Variants in KIRREL3 observed in about 807,000 individuals in gnomAD.
KIRREL3 encodes the protein kin of IRRE-like protein 3.
KIRREL3 carries 36 observed loss-of-function variants against 89.7 expected under a neutral mutation model. The observed-to-expected ratio is 0.40, with a 90% CI of 0.31 to 0.53. The LOEUF (loss-of-function observed/expected upper bound fraction) is 0.53. KIRREL3 is among the 20% of genes least tolerant of loss of function. The pLI, the probability that KIRREL3 is intolerant of heterozygous loss-of-function variation, is 0.49. For synonymous variants in KIRREL3, 445 were observed against 441.4 expected, an observed-to-expected ratio of 1.01 and a Z score of -0.10; for missense variants, 864 against 1,056.6, an observed-to-expected ratio of 0.82 and a Z score of 2.53.
rs1950265643 is a variant in KIRREL3 at position 126,999,592 on chromosome 11, T to C, written c.55+863A>G. On this transcript the variant is annotated intron_variant, in intron 1 of 16. Transcript: ENST00000525144. This position sits in a 1 kb window ranked among gnomAD's most constrained non-coding sequence, Gnocchi z 5.7. ...CCAAAAGAGCGGGAAGGAGCCCATGTACTTGCCCCTCCAAACTCAATTCCA... is the reference window on the plus strand; with the variant it reads ...CCAAAAGAGCGGGAAGGAGCCCATGCACTTGCCCCTCCAAACTCAATTCCA... 6.6e-6 allele frequency among the ~76,000 whole-genome samples: 1 copy of C among 152,218 alleles called. No individual in the cohort carries two copies. Among genetic ancestry groups the C allele is most frequent in the Admixed American group, 6.5e-5 (1 of 15,286 alleles).
At chr11:126,861,701 G>A (rs1244476781) in intron 1 of KIRREL3, among the ~76,000 whole-genome samples, 2 of 152,220 alleles carry the variant, frequency 1.3e-5, no homozygotes, top group South Asian at 2.1e-4. Context: ...CTATGCAAAT[G>A]TACGCTGGTA....
intron 1 of KIRREL3, among the ~76,000 whole-genome samples, chr11:126,852,676 A>G (rs1944382383): frequency 6.6e-6 from 1 of 152,238 alleles, no homozygotes; most frequent in Admixed American, 6.5e-5. Flanking sequence ...ATACAAATTT[A>G]AGACATTACG....
At position 126,868,417 on chromosome 11, in the gene KIRREL3, G is replaced by A. The variant is rs550938404; in HGVS notation, c.55+132038C>T. The stretch of plus-strand genomic sequence containing the variant: ...TGTGGCTGGTGGGGCTTTGAGGGAG[G>A]GCCACGTCGCCCTAGGTGGAGAGCA... On this transcript the variant is annotated intron_variant, in intron 1 of 16. Coordinates refer to ENST00000525144, the MANE Select transcript of KIRREL3 (RefSeq NM_032531.4). Among the ~76,000 whole-genome samples, 9 of 152,238 alleles carry A rather than the reference G, an allele frequency of 5.9e-5. No homozygotes were observed. In the East Asian group the frequency reaches 1.7e-3, roughly 29 times the overall value.
rs1186809353 is a variant in KIRREL3, at chr11:126,553,902, A to G, written c.133+8933T>C. On this transcript the variant is annotated intron_variant, in intron 2 of 16. Coordinates refer to ENST00000525144, the MANE Select transcript of KIRREL3 (RefSeq NM_032531.4). This position sits in a 1 kb window ranked among gnomAD's most constrained non-coding sequence, Gnocchi z 4.7. ...TCAGCTCATATGCAGACCTGTATTT[A>G]CCTTGTCTGATCAAAGTAGTAACCT... Among the ~76,000 whole-genome samples the G allele has an allele frequency of 6.6e-6, 1 of 152,174 alleles. No individual in the cohort carries two copies. The highest frequency in any genetic ancestry group is 2.4e-5 in the African/African-American group (1 of 41,438).
intron 1 of KIRREL3, among the ~76,000 whole-genome samples, chr11:126,854,797 A>G (rs140363470): frequency 2.6e-5 from 4 of 152,196 alleles, no homozygotes; most frequent in African/African-American, 9.7e-5. Context: ...AGGAACCTCC[A>G]TATTGTTTTC....
chr11:126,606,337 A>G lies in KIRREL3; in HGVS notation c.56-43425T>C, dbSNP rs140685118. Among the ~76,000 whole-genome samples, 2 of 152,312 alleles carry G rather than the reference A, an allele frequency of 1.3e-5. No individual in the cohort carries two copies. Among genetic ancestry groups the G allele is most frequent in the South Asian group, 2.1e-4 (1 of 4,826 alleles). ...CTAGCTGTGTCACTCTGGAGAATTT[A>G]TGTAGTCTTTCTGTGTTTCAGTTTC... On this transcript the variant is annotated intron_variant, in intron 1 of 16. Transcript: ENST00000525144. The surrounding 1 kb of genome is among the most constrained non-coding windows in gnomAD (Gnocchi z 4.6).
intron 1 of KIRREL3, among the ~76,000 whole-genome samples, chr11:126,801,348 C>T (rs1243503206): frequency 6.6e-6 from 1 of 152,184 alleles, no homozygotes; most frequent in Non-Finnish European, 1.5e-5. Flanking sequence ...TTAAGTCAAA[C>T]ACCATGTGAG....
chr11:126,696,659 A>T lies in KIRREL3; in HGVS notation c.56-133747T>A, dbSNP rs1043531264. 6.6e-6 allele frequency among the ~76,000 whole-genome samples: 1 copy of T among 152,160 alleles called. No homozygotes were observed. Among genetic ancestry groups the T allele is most frequent in the African/African-American group, 2.4e-5 (1 of 41,442 alleles). ...GCCACAGTACCGAAAGGGTGGCTCA[A>T]ACCACATCGCATGGCTCATAAGGCC... On this transcript the variant is annotated intron_variant, in intron 1 of 16. Coordinates refer to ENST00000525144, the MANE Select transcript of KIRREL3 (RefSeq NM_032531.4). This position sits in a 1 kb window ranked among gnomAD's most constrained non-coding sequence, Gnocchi z 4.4.
At position 126,647,301 on chromosome 11, in the gene KIRREL3, A is replaced by G. The variant is rs535189334; in HGVS notation, c.56-84389T>C. Among the ~76,000 whole-genome samples the G allele has an allele frequency of 4.7e-4, 71 of 152,320 alleles. No homozygotes were observed. The highest frequency in any genetic ancestry group is 2.4e-4 in the Non-Finnish European group (16 of 68,028). ...ATCAGAATAAGCTCCCAAGCCTTGCATGCCCGTTTTAATTAACTTGTCTAT... is the reference window on the plus strand; with the variant it reads ...ATCAGAATAAGCTCCCAAGCCTTGCGTGCCCGTTTTAATTAACTTGTCTAT... On this transcript the variant is annotated intron_variant, in intron 1 of 16. Coordinates refer to ENST00000525144, the MANE Select transcript of KIRREL3 (RefSeq NM_032531.4). The surrounding 1 kb of genome is among the most constrained non-coding windows in gnomAD (Gnocchi z 4.9).
At position 126,526,733 on chromosome 11, in the gene KIRREL3, G is replaced by A. The variant is rs1474123266; in HGVS notation, c.134-46C>T. The A allele has an allele frequency of 6.5e-7, 1 of 1,531,454 alleles. No homozygotes were observed. The highest frequency in any genetic ancestry group is 2.5e-5 in the East Asian group (1 of 40,440). The allele number at this position is 1,531,454 out of a possible 1,614,324, so 94.9% of individuals were successfully genotyped here. A position where few individuals can be genotyped will look rare whatever the true frequency, so the allele number is the denominator to read the frequency against. ...ATGGTCAGTTATCTGCCGGCTACAG[G>A]GGCGAGAAGGCTCCCCTCCAGCTAT... On this transcript the variant is annotated intron_variant, in intron 2 of 16. Coordinates refer to ENST00000525144, the MANE Select transcript of KIRREL3 (RefSeq NM_032531.4). This position sits in a 1 kb window ranked among gnomAD's most constrained non-coding sequence, Gnocchi z 5.7.
At position 126,639,316 on chromosome 11, in the gene KIRREL3, G is replaced by T. The variant is rs568524625; in HGVS notation, c.56-76404C>A. Among the ~76,000 whole-genome samples the T allele has an allele frequency of 1.2e-3, 182 of 152,284 alleles. 5 individuals are homozygous for T. In the South Asian group the frequency reaches 0.035, roughly 29 times the overall value. On this transcript the variant is annotated intron_variant, in intron 1 of 16. Coordinates refer to ENST00000525144, the MANE Select transcript of KIRREL3 (RefSeq NM_032531.4). The surrounding 1 kb of genome is among the most constrained non-coding windows in gnomAD (Gnocchi z 4.3). Reference sequence around the variant, plus strand: ...CCAATGAAGATCTAGGCAGCTATTTGTATTTCTGTTTGGATTTTTGGGTCC... The same window carrying T: ...CCAATGAAGATCTAGGCAGCTATTTTTATTTCTGTTTGGATTTTTGGGTCC...
chr11:126,701,925 G>C (rs1022507106), intron 1 of KIRREL3, among the ~76,000 whole-genome samples: 5 of 152,160 alleles, frequency 3.3e-5, no homozygotes, highest in Non-Finnish European at 4.4e-5. Context: ...CCGGGGTCTC[G>C]ATGTGTCATT....
chr11:126,517,642 C>T (rs1183649506), intron 4 of KIRREL3, among the ~76,000 whole-genome samples: 3 of 152,216 alleles, frequency 2.0e-5, no homozygotes, highest in Non-Finnish European at 2.9e-5. Context: ...CAGTTTTCTT[C>T]TAAGCCTCGG....
rs962509579 is a variant in KIRREL3 at position 126,568,832 on chromosome 11, C to G, written c.56-5920G>C. On this transcript the variant is annotated intron_variant, in intron 1 of 16. Transcript: ENST00000525144. The surrounding 1 kb of genome is among the most constrained non-coding windows in gnomAD (Gnocchi z 4.6). Reference sequence around the variant, plus strand: ...ACAAAATACCAAATTCTACCCCCCTCGTTTTTTTCTTTTTCAGATATGAAA... The same window carrying G: ...ACAAAATACCAAATTCTACCCCCCTGGTTTTTTTCTTTTTCAGATATGAAA... Among the ~76,000 whole-genome samples, 1 of 152,126 alleles carries G rather than the reference C, an allele frequency of 6.6e-6. No individual in the cohort carries two copies. Among genetic ancestry groups the G allele is most frequent in the Non-Finnish European group, 1.5e-5 (1 of 68,020 alleles).
At chr11:126,502,523 G>C (rs1444125358) in intron 4 of KIRREL3, among the ~76,000 whole-genome samples, 4 of 152,236 alleles carry the variant, frequency 2.6e-5, no homozygotes, top group Admixed American at 2.6e-4. Flanking sequence ...TTCTGCTATA[G>C]ATTTTTAAGA....
At chr11:126,863,356 A>AGTGCGT (rs1944766889) in intron 1 of KIRREL3, among the ~76,000 whole-genome samples, 1 of 104,686 alleles carries the variant, frequency 9.6e-6, no homozygotes, top group African/African-American at 3.1e-5. Flanking sequence ...GGTGCATGTG[A>AGTGCGT]GTGTGTGTTT....
chr11:126,735,541 G>T (rs985423741), intron 1 of KIRREL3, among the ~76,000 whole-genome samples: 1 of 152,196 alleles, frequency 6.6e-6, no homozygotes, highest in Non-Finnish European at 1.5e-5. Flanking sequence ...CCCAGACCAG[G>T]GATATGATCT....
chr11:126,570,586 C>A lies in KIRREL3; in HGVS notation c.56-7674G>T, dbSNP rs139550733. 2.0e-5 allele frequency among the ~76,000 whole-genome samples: 3 copies of A among 152,210 alleles called. No individual in the cohort carries two copies. Among genetic ancestry groups the A allele is most frequent in the Non-Finnish European group, 4.4e-5 (3 of 68,038 alleles). On this transcript the variant is annotated intron_variant, in intron 1 of 16. Transcript: ENST00000525144. The surrounding 1 kb of genome is among the most constrained non-coding windows in gnomAD (Gnocchi z 6.1). ...CCTGCTGATCACGTGCCGATCAGCA[C>A]CTTACAGCTTGGTAAGCAGTGGCAG...
intron 1 of KIRREL3, among the ~76,000 whole-genome samples, chr11:126,713,963 C>A (rs1947858680): frequency 6.6e-6 from 1 of 152,148 alleles, no homozygotes; most frequent in Non-Finnish European, 1.5e-5. Context: ...AAATTTGATT[C>A]CCTGACTGTT....
Sources: gnomAD v4.1 joint callset for allele counts (sites outside exome capture counted in the v4.1 genomes callset) on GRCh38, gnomAD v4.1.1 for gene constraint, Gnocchi (gnomAD v3.1) non-coding constraint, MANE v1.5 for transcripts, NCBI Gene and HGNC (gene_info 2026-07-23, HGNC 2026-07-21) for gene names.